The following MROH2A variants were observed in gnomAD, a reference collection of about 807,000 sequenced individuals.
MROH2A encodes the protein maestro heat like repeat family member 2A.
A neutral mutation model predicts 200.4 loss-of-function variants in MROH2A; 174 were observed. The ratio of observed to expected loss-of-function variants is 0.87; its 90% confidence interval spans 0.77 to 0.98. The LOEUF is 0.98. Ranked by LOEUF, MROH2A falls within the 50% of genes least tolerant of loss-of-function variation. The pLI is 0.00. For missense variants in MROH2A, 2,045 were observed against 2,139.6 expected (o/e 0.96, Z 0.87); for synonymous variants, 829 against 840.4 (o/e 0.99, Z 0.23).
At chr2:233,798,696 G>A (rs970629173) in intron 11 of MROH2A, 78 bp from the exon 12 acceptor site, 56 of 1,027,336 alleles carry the variant, frequency 5.5e-5, no homozygotes, top group Non-Finnish European at 4.8e-5. Context: ...GACAGAACGT[G>A]AGGCCCTGAT....
chr2:233,822,099 G>A, intron 31 of MROH2A, 25 bp from the exon 32 acceptor site: 4 of 1,541,684 alleles, frequency 2.6e-6, no homozygotes, highest in Non-Finnish European at 3.5e-6. Flanking sequence ...GAAACTCACA[G>A]TCCTTGTGCC....
intron 38 of MROH2A, 22 bp downstream of exon 38, chr2:233,829,797 G>T: frequency 3.8e-6 from 5 of 1,302,424 alleles, no homozygotes; most frequent in Non-Finnish European, 4.9e-6. Flanking sequence ...CCTGGGCTTT[G>T]TGTCCCAGTC....
At chr2:233,789,439 G>A (rs1006933897) in intron 3 of MROH2A, 58 bp from the exon 4 acceptor site, 3 of 1,325,752 alleles carry the variant, frequency 2.3e-6, no homozygotes, top group Non-Finnish European at 2.9e-6. Flanking sequence ...GGAGAGAGAG[G>A]TGGACTTGTG....
At chr2:233,775,724 C>G (rs777258558), upstream of MROH2A, 3 of 152,196 alleles carry the variant, frequency 2.0e-5, no homozygotes, top group Admixed American at 2.0e-4. Context: ...CCTTGTGAGC[C>G]GGGCAGAATC....
intron 3 of MROH2A, among the ~76,000 whole-genome samples, chr2:233,783,474 G>A (rs1194590134): frequency 6.6e-6 from 1 of 152,056 alleles, no homozygotes; most frequent in African/African-American, 2.4e-5. Flanking sequence ...GAATTTATCT[G>A]TTTCCTATAG....
At chr2:233,825,965 G>A (rs183756681) in intron 35 of MROH2A, among the ~76,000 whole-genome samples, 3 of 121,184 alleles carry the variant, frequency 2.5e-5, no homozygotes, top group East Asian at 2.3e-4. Context: ...TTGCTCTGTC[G>A]CCAGGCTGGA....
Position 233,807,865 on chromosome 2 carries a change from C to T in MROH2A, c.2295+10C>T. On this transcript the variant is annotated intron_variant, in intron 21 of 41. Coordinates refer to ENST00000389758, the MANE Select transcript of MROH2A (RefSeq NM_001394639.1). This position sits in a 1 kb window ranked among gnomAD's most constrained non-coding sequence, Gnocchi z 4.3. The stretch of plus-strand genomic sequence containing the variant: ...GATCAGTGCTTGGCGGGTAAGCCAC[C>T]TTCCCTCCACAACTGGGTCTTGGGA... 1.9e-6 allele frequency: 3 copies of T among 1,550,948 alleles called. No homozygotes were observed. Among genetic ancestry groups the T allele is most frequent in the Non-Finnish European group, 2.6e-6 (3 of 1,147,064 alleles).
chr2:233,804,217 C>T lies in MROH2A; in HGVS notation c.1891+25C>T, dbSNP rs956502570. The T allele has an allele frequency of 2.5e-5, 38 of 1,549,506 alleles. No homozygotes were observed. In the African/African-American group the frequency reaches 5.2e-4, roughly 21 times the overall value. ...GGTGAGGTTCCTGGGGAGCCCATCC[C>T]AAGCCAACCCTCCAATCCGTGTATG... On this transcript the variant is annotated intron_variant, in intron 17 of 41. Transcript: ENST00000389758.
At chr2:233,827,368 A>G (rs1442985777) in intron 35 of MROH2A, among the ~76,000 whole-genome samples, 1 of 152,240 alleles carries the variant, frequency 6.6e-6, no homozygotes, top group Non-Finnish European at 1.5e-5. Flanking sequence ...AGGTACATAT[A>G]CACCATGGAA....
intron 5 of MROH2A, among the ~76,000 whole-genome samples, chr2:233,790,651 T>C (rs1470222448): frequency 1.2e-3 from 1 of 848 alleles, no homozygotes; most frequent in Non-Finnish European, 1.9e-3. Flanking sequence ...TCCCCTCCCC[T>C]CCCCTCCCCT....
At chr2:233,800,977 C>A (rs1702437416) in intron 14 of MROH2A, among the ~76,000 whole-genome samples, 1 of 152,166 alleles carries the variant, frequency 6.6e-6, no homozygotes, top group Non-Finnish European at 1.5e-5. Flanking sequence ...TCATCATCAT[C>A]ATAGCTACAG....
At chr2:233,819,124 G>C (rs1703757838) in intron 29 of MROH2A, among the ~76,000 whole-genome samples, 193 bp from the exon 30 acceptor site, 1 of 152,216 alleles carries the variant, frequency 6.6e-6, no homozygotes, top group Admixed American at 6.5e-5. Flanking sequence ...GAAGTGCCTG[G>C]AGCCACCCAA....
At chr2:233,830,063 C>G (rs994616204) in intron 38 of MROH2A, among the ~76,000 whole-genome samples, 3 of 152,118 alleles carry the variant, frequency 2.0e-5, no homozygotes, top group Admixed American at 2.0e-4. Flanking sequence ...TGCCCAAACC[C>G]TTTCTTCTAG....
intron 23 of MROH2A, among the ~76,000 whole-genome samples, chr2:233,811,494 G>A (rs919949149): frequency 6.6e-6 from 1 of 152,240 alleles, no homozygotes; most frequent in African/African-American, 2.4e-5. Context: ...AAGGCAATGA[G>A]GAGGAAATGG....
intron 24 of MROH2A, 46 bp from the exon 25 acceptor site, chr2:233,813,624 C>T: frequency 8.0e-7 from 1 of 1,252,420 alleles, no homozygotes; most frequent in Non-Finnish European, 1.1e-6. Flanking sequence ...AGCAGAAGCT[C>T]AACTCCCCAA....
chr2:233,831,363 C>T (rs1704735528), intron 38 of MROH2A, 46 bp from the exon 39 acceptor site: 7 of 1,514,148 alleles, frequency 4.6e-6, no homozygotes, highest in Non-Finnish European at 6.2e-6. Context: ...TCTGGGGAAC[C>T]ACGTGGCCTG....
Position 233,797,179 on chromosome 2 carries a change from T to G in MROH2A, c.1252+866T>G, listed in dbSNP as rs1243024246. Among the ~76,000 whole-genome samples, 5 of 152,244 alleles carry G rather than the reference T, an allele frequency of 3.3e-5. No individual in the cohort carries two copies. The East Asian group carries it at 7.7e-4, about 23-fold the overall frequency. ...AAACAGGCTGTGGGTTATACTTTGC[T>G]TATTGCTAGTCTAGGGTGACAAGAA... On this transcript the variant is annotated intron_variant, in intron 11 of 41. Coordinates refer to ENST00000389758, the MANE Select transcript of MROH2A (RefSeq NM_001394639.1).
At chr2:233,801,320 G>A (rs1180790687) in intron 14 of MROH2A, among the ~76,000 whole-genome samples, 1 of 152,030 alleles carries the variant, frequency 6.6e-6, no homozygotes, top group Admixed American at 6.5e-5. Flanking sequence ...TCCTAGGGGT[G>A]GGGGTGGGGT....
intron 3 of MROH2A, among the ~76,000 whole-genome samples, chr2:233,781,292 C>G (rs1294922282): frequency 6.6e-6 from 1 of 152,092 alleles, no homozygotes; most frequent in African/African-American, 2.4e-5. Context: ...TCTAGTTTTA[C>G]TTTTTTTGAG....
Sources: allele counts gnomAD v4.1 joint callset (sites outside exome capture counted in the v4.1 genomes callset), GRCh38; gene constraint gnomAD v4.1.1; non-coding constraint Gnocchi (gnomAD v3.1); transcripts MANE v1.5; gene names NCBI Gene and HGNC (gene_info 2026-07-23, HGNC 2026-07-21).